The following DLGAP1 variants were observed in gnomAD, a reference collection of about 807,000 sequenced individuals.
DLGAP1 encodes the protein DLG associated protein 1.
DLGAP1 carries 11 observed loss-of-function variants against 90.8 expected under a neutral mutation model. The observed-to-expected ratio is 0.12, with a 90% CI of 0.08 to 0.20. The LOEUF is 0.20. Among genes scored for constraint, DLGAP1 ranks in the 10% least tolerant of loss-of-function variants. The pLI is 1.00. For missense variants in DLGAP1, 1,050 were observed against 1,333.8 expected (o/e 0.79, Z 3.31); for synonymous variants, 558 against 540.7 (o/e 1.03, Z -0.44).
intron 9 of DLGAP1, among the ~76,000 whole-genome samples, chr18:3,535,171 T>C (rs992441539): frequency 2.0e-5 from 3 of 151,592 alleles, no homozygotes; most frequent in African/African-American, 7.3e-5. Flanking sequence ...TGTCATAGCT[T>C]CAATGTGAAG....
chr18:3,499,076 C>T lies in DLGAP1; in HGVS notation c.*109G>A, dbSNP rs934992511. On this transcript the variant is annotated 3_prime_UTR_variant, in exon 13 of 13. Transcript: ENST00000315677. This position sits in a 1 kb window ranked among gnomAD's most constrained non-coding sequence, Gnocchi z 6.4. ...ACAACTACACCGCGACAGTGGAAGT[C>T]ACCGAGCTCGGGAGCGGACGGGCTC... 90 of 1,042,230 alleles carry T rather than the reference C, an allele frequency of 8.6e-5. No homozygotes were observed. The East Asian group carries it at 1.3e-3, about 15-fold the overall frequency. The allele number at this position is 1,042,230 out of a possible 1,614,324, so 64.6% of individuals were successfully genotyped here. A position where few individuals can be genotyped will look rare whatever the true frequency, so the allele number is the denominator to read the frequency against.
At chr18:3,883,857 C>G (rs188188878) in intron 3 of DLGAP1, among the ~76,000 whole-genome samples, 1 of 152,336 alleles carries the variant, frequency 6.6e-6, no homozygotes. Context: ...ACTTCTAACT[C>G]TGCAACTCAC....
chr18:3,556,240 T>C (rs2053742299), intron 9 of DLGAP1, among the ~76,000 whole-genome samples: 2 of 152,126 alleles, frequency 1.3e-5, no homozygotes, highest in South Asian at 4.2e-4. Flanking sequence ...TCAACTGATA[T>C]CCACATTTCA....
intron 2 of DLGAP1, among the ~76,000 whole-genome samples, chr18:4,066,889 A>G (rs2075377897): frequency 6.6e-6 from 1 of 152,188 alleles, no homozygotes. Flanking sequence ...TGTTCATTGC[A>G]GCACTATTCA....
chr18:3,967,676 G>A (rs74551188), intron 3 of DLGAP1, among the ~76,000 whole-genome samples: 1,552 of 152,228 alleles, frequency 0.01, 21 homozygotes, highest in African/African-American at 0.035. Flanking sequence ...TGGTAGTATT[G>A]ATCACTCTCT....
At chr18:3,529,483 A>G (rs1399294651) in intron 10 of DLGAP1, among the ~76,000 whole-genome samples, 2 of 152,160 alleles carry the variant, frequency 1.3e-5, no homozygotes, top group African/African-American at 2.4e-5. Context: ...TTTTTAGCTA[A>G]TTAGGAAGAA....
chr18:4,258,430 T>A (rs186582816), intron 1 of DLGAP1, among the ~76,000 whole-genome samples: 18 of 152,180 alleles, frequency 1.2e-4, no homozygotes, highest in Non-Finnish European at 2.1e-4. Context: ...GGACAAAATG[T>A]TTTGATCGGG....
At chr18:3,830,405 G>C (rs547490933) in intron 4 of DLGAP1, among the ~76,000 whole-genome samples, 16 of 151,984 alleles carry the variant, frequency 1.1e-4, no homozygotes, top group Non-Finnish European at 2.4e-4. Flanking sequence ...CTCTATTAAA[G>C]ATACAAAAAA....
chr18:3,624,934 G>A (rs938086734), intron 7 of DLGAP1, among the ~76,000 whole-genome samples: 2 of 152,022 alleles, frequency 1.3e-5, no homozygotes, highest in Non-Finnish European at 2.9e-5. Context: ...CAAAAATAGC[G>A]GTTTCCCGCA....
intron 1 of DLGAP1, among the ~76,000 whole-genome samples, chr18:4,194,864 G>A (rs886992957): frequency 2.0e-5 from 3 of 152,090 alleles, no homozygotes; most frequent in African/African-American, 4.8e-5. Context: ...TGTATACAAC[G>A]TGGAATGATT....
chr18:4,299,331 T>C (rs2080067812), intron 1 of DLGAP1, among the ~76,000 whole-genome samples: 1 of 152,234 alleles, frequency 6.6e-6, no homozygotes, highest in African/African-American at 2.4e-5. Context: ...TCAACAGATC[T>C]ATCTCTAAAA....
At chr18:4,155,867 T>G (rs1489977189) in intron 1 of DLGAP1, among the ~76,000 whole-genome samples, 1 of 152,180 alleles carries the variant, frequency 6.6e-6, no homozygotes, top group Non-Finnish European at 1.5e-5. Flanking sequence ...TCATCCTGGC[T>G]GCTGGTTTGG....
chr18:3,636,502 C>T (rs1200514338), intron 7 of DLGAP1, among the ~76,000 whole-genome samples: 1 of 151,666 alleles, frequency 6.6e-6, no homozygotes, highest in Non-Finnish European at 1.5e-5. Context: ...ACCTCCACCT[C>T]CCGGGTTCAA....
intron 3 of DLGAP1, among the ~76,000 whole-genome samples, chr18:3,934,308 C>A (rs993908581): frequency 6.6e-6 from 1 of 152,202 alleles, no homozygotes; most frequent in Admixed American, 6.5e-5. Flanking sequence ...ACAAGCCAGG[C>A]AGCTCCCTGG....
chr18:3,904,895 C>T (rs888559757), intron 3 of DLGAP1, among the ~76,000 whole-genome samples: 2 of 152,046 alleles, frequency 1.3e-5, no homozygotes, highest in African/African-American at 4.8e-5. Flanking sequence ...GTACCCCACT[C>T]ATTTGGCATA....
In DLGAP1 at chr18:3,622,509, G is replaced by T. The variant is rs375013840; in HGVS notation, c.1592-40261C>A. 3.9e-5 allele frequency among the ~76,000 whole-genome samples: 6 copies of T among 152,266 alleles called. No homozygotes were observed. In the East Asian group the frequency reaches 9.7e-4, roughly 25 times the overall value. On this transcript the variant is annotated intron_variant, in intron 7 of 12. Transcript: ENST00000315677. ...TGTCCCCTGGGGAATGTGGGAGGAG[G>T]GAGAGTCCAGAATTCGGCTTCCAAG...
Position 3,546,645 on chromosome 18 carries a change from G to T in DLGAP1, c.2058-12030C>A, listed in dbSNP as rs535480519. 9.6e-5 allele frequency among the ~76,000 whole-genome samples: 10 copies of T among 103,768 alleles called. No individual in the cohort carries two copies. In the East Asian group the frequency reaches 1.6e-3, roughly 17 times the overall value. 68.1% of individuals were successfully genotyped at this position (103,768 alleles called of 152,430 possible). ...TAACACACTTCTAAGTAGCCCATGG[G>T]TTAAAGAAAAAAAAAATCAAAAAGG... On this transcript the variant is annotated intron_variant, in intron 9 of 12. Transcript: ENST00000315677.
intron 10 of DLGAP1, among the ~76,000 whole-genome samples, chr18:3,515,890 C>T (rs895033856): frequency 7.2e-5 from 11 of 151,916 alleles, no homozygotes; most frequent in Non-Finnish European, 1.0e-4. Flanking sequence ...CAACAGTGTT[C>T]GCAGCATCTT....
chr18:4,269,644 G>A (rs1717411), intron 1 of DLGAP1, among the ~76,000 whole-genome samples: 113,238 of 152,036 alleles, frequency 0.74, 43,507 homozygotes, highest in East Asian at 0.99. Flanking sequence ...GTGAGCCACC[G>A]CGCCCGGCCA....
Sources: allele counts gnomAD v4.1 joint callset (sites outside exome capture counted in the v4.1 genomes callset), GRCh38; gene constraint gnomAD v4.1.1; non-coding constraint Gnocchi (gnomAD v3.1); transcripts MANE v1.5; gene names NCBI Gene and HGNC (gene_info 2026-07-23, HGNC 2026-07-21).